Variants in ZSWIM6 observed in about 807,000 individuals in gnomAD.
ZSWIM6 encodes zinc finger SWIM-type containing 6.
A neutral mutation model predicts 113.2 loss-of-function variants in ZSWIM6; 9 were observed. The ratio of observed to expected loss-of-function variants is 0.08; its 90% CI spans 0.05 to 0.14. ZSWIM6 has a LOEUF of 0.14. Among genes scored for constraint, ZSWIM6 ranks in the 10% least tolerant of loss-of-function variants. ZSWIM6 has a pLI of 1.00. For synonymous variants in ZSWIM6, 611 were observed against 606.5 expected, an observed-to-expected ratio of 1.01 and a Z score of -0.11; for missense variants, 1,162 against 1,552.2, an observed-to-expected ratio of 0.75 and a Z score of 4.22.
chr5:61,346,341 TGG>T (rs1744657956), intron 1 of ZSWIM6, among the ~76,000 whole-genome samples: 1 of 152,208 alleles, frequency 6.6e-6, no homozygotes, highest in African/African-American at 2.4e-5. Context: ...GTGAATATCT[TGG>T]GGATAGAATA....
chr5:61,461,789 ACT>A (rs1747329117), intron 1 of ZSWIM6, among the ~76,000 whole-genome samples: 1 of 151,932 alleles, frequency 6.6e-6, no homozygotes, highest in Non-Finnish European at 1.5e-5. Context: ...AGGAAAAAAC[ACT>A]CCCCCCAACC....
At chr5:61,333,876 G>A (rs1379634650) in intron 1 of ZSWIM6, among the ~76,000 whole-genome samples, 2 of 152,118 alleles carry the variant, frequency 1.3e-5, no homozygotes, top group African/African-American at 2.4e-5. Context: ...GCGGTCGGCA[G>A]TTGCGGATTT....
At chr5:61,441,170 A>G (rs1285261777) in intron 1 of ZSWIM6, among the ~76,000 whole-genome samples, 5 of 152,194 alleles carry the variant, frequency 3.3e-5, no homozygotes, top group African/African-American at 1.2e-4. Flanking sequence ...AGATTATATT[A>G]TGTATAAAAA....
intron 1 of ZSWIM6, among the ~76,000 whole-genome samples, chr5:61,378,236 G>C (rs1043868552): frequency 7.9e-5 from 12 of 152,146 alleles, no homozygotes; most frequent in African/African-American, 2.7e-4. Flanking sequence ...CTGGAAACAA[G>C]CTAAATGTTC....
At chr5:61,470,634 G>T (rs911715369) in intron 1 of ZSWIM6, among the ~76,000 whole-genome samples, 1 of 151,906 alleles carries the variant, frequency 6.6e-6, no homozygotes, top group Non-Finnish European at 1.5e-5. Flanking sequence ...AGAAAAAGTT[G>T]TTGATTAAAA....
chr5:61,420,379 C>G (rs1746330857), intron 1 of ZSWIM6, among the ~76,000 whole-genome samples: 2 of 152,138 alleles, frequency 1.3e-5, no homozygotes, highest in South Asian at 4.1e-4. Context: ...TCACTTGCTC[C>G]TAGACCAGTA....
intron 1 of ZSWIM6, among the ~76,000 whole-genome samples, chr5:61,455,392 C>T (rs1372435035): frequency 2.0e-5 from 3 of 152,210 alleles, no homozygotes; most frequent in Admixed American, 6.5e-5. Context: ...CAAAATTCAC[C>T]AATATCCCCG....
intron 2 of ZSWIM6, among the ~76,000 whole-genome samples, chr5:61,484,720 CATGCTAACAA>C (rs1454306487): frequency 1.3e-5 from 2 of 152,154 alleles, no homozygotes; most frequent in African/African-American, 4.8e-5. Flanking sequence ...AAAAGAGAGG[CATGCTAACAA>C]ATGCCTACAA....
chr5:61,522,048 T>G lies in ZSWIM6; in HGVS notation c.1513+606T>G, dbSNP rs576173914. 1.3e-4 allele frequency among the ~76,000 whole-genome samples: 20 copies of G among 152,120 alleles called. 1 individual carries two copies. In the South Asian group the frequency reaches 3.7e-3, roughly 28 times the overall value. ...ACAACCAAGAAATGCTCCCAGACAT[T>G]TCCAAAAGAACCTCTGTCTCATTTC... On this transcript the variant is annotated intron_variant, in intron 5 of 13. Coordinates refer to ENST00000252744, the MANE Select transcript of ZSWIM6 (RefSeq NM_020928.2).
chr5:61,386,177 A>G (rs1350908331), intron 1 of ZSWIM6, among the ~76,000 whole-genome samples: 2 of 152,216 alleles, frequency 1.3e-5, no homozygotes, highest in Non-Finnish European at 2.9e-5. Context: ...TGGATATGCC[A>G]TACATTTAGA....
chr5:61,535,401 A>G (rs1749547807), intron 9 of ZSWIM6, 83 bp from the exon 10 acceptor site: 1 of 1,453,688 alleles, frequency 6.9e-7, no homozygotes, highest in Admixed American at 2.0e-5. Flanking sequence ...TTATAACTTT[A>G]TGTGACATTT....
At chr5:61,528,648 C>T (rs1018623578) in intron 7 of ZSWIM6, among the ~76,000 whole-genome samples, 4 of 150,600 alleles carry the variant, frequency 2.7e-5, no homozygotes, top group Middle Eastern at 3.4e-3. Context: ...AGTGCAGTGG[C>T]GCAATCTCGG....
intron 1 of ZSWIM6, among the ~76,000 whole-genome samples, chr5:61,426,069 C>G (rs538240863): frequency 1.3e-3 from 199 of 152,212 alleles, no homozygotes; most frequent in Admixed American, 2.4e-3. Context: ...CTATGGAAAC[C>G]TGGAGGCTGC....
intron 1 of ZSWIM6, among the ~76,000 whole-genome samples, chr5:61,468,347 T>G (rs1001478450): frequency 2.6e-5 from 4 of 152,240 alleles, no homozygotes; most frequent in African/African-American, 9.6e-5. Context: ...TAAAACAGTT[T>G]GACTGCTCTG....
In ZSWIM6 at chr5:61,539,641, A is replaced by G; in HGVS notation, c.2585A>G (p.Asn862Ser). 6.4e-7 allele frequency: 1 copy of G among 1,552,040 alleles called. No homozygotes were observed. Among genetic ancestry groups the G allele is most frequent in the Non-Finnish European group, 8.7e-7 (1 of 1,147,052 alleles). Residue 862 changes from asparagine (N) to serine (S), a missense_variant, in exon 12 of 14, where the codon AAC becomes AGC. Asn to Ser is a conservative substitution (Grantham distance 46, BLOSUM62 1). Around this residue, in one of 4 missense-constraint regions of ZSWIM6, gnomAD observed 620 missense variants for 804.6 expected, o/e 0.77. Transcript: ENST00000252744. Reference protein sequence around the residue: ...LETVLESIQKNIHSSSHIFKL... With the variant: ...LETVLESIQKSIHSSSHIFKL... The stretch of plus-strand genomic sequence containing the variant: ...ACAGTATTAGAATCCATCCAGAAAA[A>G]CATTCACTCCTCATCACACATCTTC...
At chr5:61,398,852 C>T (rs1382552815) in intron 1 of ZSWIM6, among the ~76,000 whole-genome samples, 4 of 150,074 alleles carry the variant, frequency 2.7e-5, no homozygotes, top group African/African-American at 9.8e-5. Flanking sequence ...GAAGGATGAC[C>T]TTGAGCTTAT....
At chr5:61,397,138 T>C (rs1745853239) in intron 1 of ZSWIM6, among the ~76,000 whole-genome samples, 1 of 152,226 alleles carries the variant, frequency 6.6e-6, no homozygotes, top group African/African-American at 2.4e-5. Flanking sequence ...ACCAGGTTTT[T>C]CAGTTTTGGA....
intron 2 of ZSWIM6, among the ~76,000 whole-genome samples, chr5:61,482,558 G>A (rs1225960701): frequency 6.6e-6 from 1 of 152,132 alleles, no homozygotes; most frequent in Non-Finnish European, 1.5e-5. Context: ...GGAAATTATT[G>A]TTGTAGACAT....
At chr5:61,478,679 TTATG>T (rs928324780) in intron 2 of ZSWIM6, among the ~76,000 whole-genome samples, 1 of 149,944 alleles carries the variant, frequency 6.7e-6, no homozygotes, top group African/African-American at 2.5e-5. Context: ...GTGACCATCT[TTATG>T]TGTGAGTGTG....
Sources: allele counts gnomAD v4.1 joint callset (sites outside exome capture counted in the v4.1 genomes callset), GRCh38; gene constraint gnomAD v4.1.1; regional missense constraint gnomAD v4.1.1; transcripts MANE v1.5; gene names NCBI Gene and HGNC (gene_info 2026-07-23, HGNC 2026-07-21).